Variants in ACTN4 observed in about 807,000 individuals in gnomAD.
ACTN4 encodes the protein alpha-actinin-4.
Under a neutral mutation model 114.2 loss-of-function variants are expected in ACTN4, and 18 were observed. The observed-to-expected ratio is 0.16, with a 90% confidence interval of 0.11 to 0.23. The LOEUF (loss-of-function observed/expected upper bound fraction) is 0.23. ACTN4 is among the 10% of genes least tolerant of loss of function. The pLI is 1.00. For synonymous variants in ACTN4, 515 were observed against 506.3 expected, an observed-to-expected ratio of 1.02 and a Z score of -0.23; for missense variants, 722 against 1,262.9, an observed-to-expected ratio of 0.57 and a Z score of 6.49.
At position 38,724,520 on chromosome 19, in the gene ACTN4, C is replaced by T. The variant is rs1474801495; in HGVS notation, c.1965C>T (p.Ala655=). Residue 655 remains alanine (A), a synonymous_variant, in exon 16 of 21, where the codon GCC becomes GCT. Coordinates refer to ENST00000252699, the MANE Select transcript of ACTN4 (RefSeq NM_004924.6). This position sits in a 1 kb window ranked among gnomAD's most constrained non-coding sequence, Gnocchi z 7.0. ...ACGAGCACCTGCGCCGCCAGTTCGC[C>T]AGCCAGGCCAATGTTGTGGGGCCCT... ...QSNEHLRRQF[A]SQANVVGPWI... is the part of the protein sequence containing the mutation. 6.2e-7 allele frequency: 1 copy of T among 1,613,572 alleles called. No individual in the cohort carries two copies. Among genetic ancestry groups the T allele is most frequent in the Non-Finnish European group, 8.5e-7 (1 of 1,179,994 alleles).
At position 38,724,282 on chromosome 19, in the gene ACTN4, G is replaced by T. The variant is rs558865780; in HGVS notation, c.1818G>T (p.Ser606=). The T allele has an allele frequency of 1.2e-6, 2 of 1,613,774 alleles. No individual in the cohort carries two copies. Among genetic ancestry groups the T allele is most frequent in the Non-Finnish European group, 1.7e-6 (2 of 1,180,042 alleles). Residue 606 remains serine, a synonymous_variant, in exon 15 of 21, where the codon TCG becomes TCT. Coordinates refer to ENST00000252699, the MANE Select transcript of ACTN4 (RefSeq NM_004924.6). The surrounding 1 kb of genome is among the most constrained non-coding windows in gnomAD (Gnocchi z 7.0). The part of the protein sequence containing the change: ...RIAESNHIKL[S]GSNPYTTVTP... ...CTGAGAGCAACCACATCAAGCTGTCGGGCAGCAACCCCTACACCACCGTCA... is the reference window on the plus strand; with the variant it reads ...CTGAGAGCAACCACATCAAGCTGTCTGGCAGCAACCCCTACACCACCGTCA...
intron 1 of ACTN4, among the ~76,000 whole-genome samples, chr19:38,695,791 T>G (rs998478501): frequency 6.6e-6 from 1 of 152,128 alleles, no homozygotes; most frequent in African/African-American, 2.4e-5. Context: ...TGAGAATGAC[T>G]TCTTCAAGGA....
Position 38,727,216 on chromosome 19 carries a change from C to A in ACTN4, c.2337+113C>A. ...CCCATCACAGTTGCTGAGCGTCGGC[C>A]GCCACTCCCAGGGCCAGCAGGGCCC... is the stretch of plus-strand genomic sequence containing the variant. On this transcript the variant is annotated intron_variant, in intron 18 of 20. Transcript: ENST00000252699. The surrounding 1 kb of genome is among the most constrained non-coding windows in gnomAD (Gnocchi z 5.4). 6.6e-7 allele frequency: 1 copy of A among 1,517,360 alleles called. No homozygotes were observed. Among genetic ancestry groups the A allele is most frequent in the Non-Finnish European group, 9.0e-7 (1 of 1,115,296 alleles). 94.0% of individuals were successfully genotyped at this position (1,517,360 alleles called of 1,614,324 possible). A position where few individuals can be genotyped will look rare whatever the true frequency, so the allele number is the denominator to read the frequency against.
intron 1 of ACTN4, among the ~76,000 whole-genome samples, chr19:38,673,477 AT>A (rs1269709936): frequency 5.1e-4 from 29 of 57,164 alleles, no homozygotes; most frequent in South Asian, 1.6e-3. Context: ...ATATATATTT[AT>A]ATATATATTC....
At chr19:38,664,771 C>T (rs1013838670) in intron 1 of ACTN4, among the ~76,000 whole-genome samples, 1 of 152,130 alleles carries the variant, frequency 6.6e-6, no homozygotes, top group African/African-American at 2.4e-5. Flanking sequence ...GCCCAGCAGT[C>T]CTTATGAGAT....
rs2144969804 is a variant in ACTN4 at position 38,694,727 on chromosome 19, C to T, written c.163-5873C>T. 1.9e-4 allele frequency among the ~76,000 whole-genome samples: 2 copies of T among 10,530 alleles called. 1 individual carries two copies. The highest frequency in any genetic ancestry group is 8.8e-3 in the South Asian group (2 of 228). 6.9% of individuals were successfully genotyped at this position (10,530 alleles called of 152,430 possible). A position where few individuals can be genotyped will look rare whatever the true frequency, so the allele number is the denominator to read the frequency against. On this transcript the variant is annotated intron_variant, in intron 1 of 20. Transcript: ENST00000252699. Reference sequence around the variant, plus strand: ...GAACCTCTCCCTGCCTCAGTTTCCTCATCAAATGGAGATATATCGCATGTG... The same window carrying T: ...GAACCTCTCCCTGCCTCAGTTTCCTTATCAAATGGAGATATATCGCATGTG...
chr19:38,728,415 TCCTCCTCCTCCTC>T (rs750144277), intron 19 of ACTN4: 2 of 710,856 alleles, frequency 2.8e-6, no homozygotes, highest in African/African-American at 4.6e-5. Context: ...CACCCGCTCC[TCCTCCTCCTCCTC>T]CTCCTCCTCC....
chr19:38,701,502 C>T (rs1208311481), intron 3 of ACTN4, among the ~76,000 whole-genome samples: 1 of 152,230 alleles, frequency 6.6e-6, no homozygotes, highest in East Asian at 1.9e-4. Flanking sequence ...GTACCAGGAA[C>T]ACCTTTCTCA....
At chr19:38,679,601 A>AT (rs1193239001) in intron 1 of ACTN4, among the ~76,000 whole-genome samples, 3 of 66,496 alleles carry the variant, frequency 4.5e-5, no homozygotes, top group Non-Finnish European at 7.3e-5. Context: ...GTGTGTGTGT[A>AT]TTTTTTTAGA....
At chr19:38,713,561 G>C (rs888198450) in intron 8 of ACTN4, among the ~76,000 whole-genome samples, 2 of 152,200 alleles carry the variant, frequency 1.3e-5, no homozygotes, top group African/African-American at 4.8e-5. Flanking sequence ...GCACGTGCGT[G>C]TGTGCGCTCA....
chr19:38,725,780 C>T lies in ACTN4; in HGVS notation c.2067C>T (p.His689=). The stretch of plus-strand genomic sequence containing the variant: ...GGACCCTGGAGGACCAGCTGAGCCA[C>T]CTGAAGCAGTATGAACGCAGCATCG... The part of the protein sequence containing the change: ...MNGTLEDQLS[H]LKQYERSIVD... Residue 689 remains histidine, a synonymous_variant, in exon 17 of 21, where the codon CAC becomes CAT. Coordinates refer to ENST00000252699, the MANE Select transcript of ACTN4 (RefSeq NM_004924.6). 1 of 1,614,158 alleles carries T rather than the reference C, an allele frequency of 6.2e-7. No individual in the cohort carries two copies. The highest frequency in any genetic ancestry group is 1.7e-5 in the Admixed American group (1 of 60,026).
At chr19:38,692,877 C>T (rs761672144) in intron 1 of ACTN4, among the ~76,000 whole-genome samples, 4 of 152,080 alleles carry the variant, frequency 2.6e-5, no homozygotes, top group Admixed American at 1.3e-4. Context: ...GGTGGGACGG[C>T]GCCCTCCCCC....
intron 1 of ACTN4, among the ~76,000 whole-genome samples, chr19:38,678,811 C>G (rs1214600390): frequency 6.6e-6 from 1 of 152,118 alleles, no homozygotes. Context: ...TCGCTCTGTT[C>G]GGAGACAAAA....
intron 1 of ACTN4, among the ~76,000 whole-genome samples, chr19:38,697,676 C>T (rs62119103): frequency 0.056 from 8,548 of 152,338 alleles, 255 homozygotes; most frequent in South Asian, 0.096. Flanking sequence ...CGTGGCCCTC[C>T]CTGCAGCCCA....
Position 38,727,397 on chromosome 19 carries a change from G to A in ACTN4, c.2337+294G>A, listed in dbSNP as rs899940472. On this transcript the variant is annotated intron_variant, in intron 18 of 20. Transcript: ENST00000252699. The surrounding 1 kb of genome is among the most constrained non-coding windows in gnomAD (Gnocchi z 5.4). ...AAGTCTCAGCACACCCAGGCTTTGC[G>A]ACCCGGTCTGTGAACCTGGACACAG... Among the ~76,000 whole-genome samples, 1 of 152,082 alleles carries A rather than the reference G, an allele frequency of 6.6e-6. No homozygotes were observed. Among genetic ancestry groups the A allele is most frequent in the African/African-American group, 2.4e-5 (1 of 41,412 alleles).
intron 8 of ACTN4, 25 bp downstream of exon 8, chr19:38,710,367 C>T (rs1408880413): frequency 7.5e-6 from 12 of 1,609,934 alleles, no homozygotes; most frequent in Non-Finnish European, 1.0e-5. Flanking sequence ...CAGGCAGGCC[C>T]TCCTCGCCGC....
intron 1 of ACTN4, among the ~76,000 whole-genome samples, chr19:38,669,497 C>T (rs184590822): frequency 5.6e-4 from 85 of 152,306 alleles, no homozygotes; most frequent in Non-Finnish European, 1.1e-3. Context: ...GGGTAGGGGA[C>T]TAGTCTTGAA....
rs767624808 is a variant in ACTN4 at position 38,729,280 on chromosome 19, A to G, written c.2584A>G (p.Ile862Val). 1.2e-6 allele frequency: 2 copies of G among 1,612,740 alleles called. No individual in the cohort carries two copies. The highest frequency in any genetic ancestry group is 2.2e-5 in the South Asian group (2 of 91,078). The change falls in exon 21 of 21, where the codon ATC becomes GTC. Residue 862 changes from isoleucine (I) to valine (V), a missense_variant. By Grantham distance (29) the Ile-to-Val change is conservative. Coordinates refer to ENST00000252699, the MANE Select transcript of ACTN4 (RefSeq NM_004924.6). ...CCCATCCTGCCTGCCCCAGAACTTC[A>G]TCACAGCTGAGGAGCTGCGGAGAGA... ...FKVLAGDKNFITAEELRRELP... is the reference protein window; with the variant it reads ...FKVLAGDKNFVTAEELRRELP...
At position 38,726,999 on chromosome 19, in the gene ACTN4, C is replaced by T. The variant is rs777789927; in HGVS notation, c.2233C>T (p.Arg745Cys). The change falls in exon 18 of 21, where the codon CGC becomes TGC. Residue 745 changes from arginine to cysteine, a missense_variant. By Grantham distance (180) the Arg-to-Cys change is radical. This residue lies in a region of ACTN4 where 523 missense variants were observed against 875.9 expected (regional missense o/e 0.60). Transcript: ENST00000252699. ...GWEQLLTTIA[R>C]TINEVENQIL... Reference sequence around the variant, plus strand: ...GGAGCAGCTGCTCACCACCATTGCCCGCACCATCAACGAGGTGGAGAACCA... The same window carrying T: ...GGAGCAGCTGCTCACCACCATTGCCTGCACCATCAACGAGGTGGAGAACCA... The T allele has an allele frequency of 1.2e-6, 2 of 1,614,102 alleles. No individual in the cohort carries two copies. The highest frequency in any genetic ancestry group is 2.2e-5 in the East Asian group (1 of 44,884).
Sources: gnomAD v4.1 joint callset for allele counts (sites outside exome capture counted in the v4.1 genomes callset) on GRCh38, gnomAD v4.1.1 for gene constraint, gnomAD v4.1.1 regional missense constraint, Gnocchi (gnomAD v3.1) non-coding constraint, MANE v1.5 for transcripts, NCBI Gene and HGNC (gene_info 2026-07-23, HGNC 2026-07-21) for gene names.